The following SLC39A10 variants were observed in gnomAD, a reference collection of about 807,000 sequenced individuals.
The protein encoded by SLC39A10 is zinc transporter ZIP10.
SLC39A10 carries 13 observed loss-of-function variants against 65.1 expected under a neutral mutation model. The ratio of observed to expected loss-of-function variants is 0.20; its 90% CI spans 0.13 to 0.32. The LOEUF is 0.32. SLC39A10 is among the 10% of genes least tolerant of loss of function. SLC39A10 has a pLI of 1.00. For missense variants in SLC39A10, 831 were observed against 1,018.4 expected (o/e 0.82, Z 2.50); for synonymous variants, 321 against 342.2 (o/e 0.94, Z 0.68).
At chr2:195,734,788 T>G in intron 9 of SLC39A10, 95 bp from the exon 10 acceptor site, 1 of 1,196,992 alleles carries the variant, frequency 8.4e-7, no homozygotes. Context: ...TAGTTACACT[T>G]CAGTCACTAA....
intron 8 of SLC39A10, among the ~76,000 whole-genome samples, chr2:195,723,597 G>C (rs1273134573): frequency 6.6e-6 from 1 of 152,108 alleles, no homozygotes; most frequent in Non-Finnish European, 1.5e-5. Context: ...AGAGGCTTTT[G>C]ACTGTGGATG....
intron 1 of SLC39A10, among the ~76,000 whole-genome samples, chr2:195,668,584 CAT>C (rs1247668981): frequency 6.6e-6 from 1 of 152,232 alleles, no homozygotes; most frequent in Non-Finnish European, 1.5e-5. Context: ...TGCATACACA[CAT>C]GGGTATGAAA....
intron 2 of SLC39A10, among the ~76,000 whole-genome samples, chr2:195,616,893 GC>G (rs575644368): frequency 1.0e-3 from 153 of 152,190 alleles, no homozygotes; most frequent in South Asian, 1.5e-3. Context: ...GGGAGCCACC[GC>G]CCCCGGCCCG....
intron 3 of SLC39A10, among the ~76,000 whole-genome samples, chr2:195,694,609 G>C (rs1052426462): frequency 6.6e-6 from 1 of 152,182 alleles, no homozygotes; most frequent in African/African-American, 2.4e-5. Flanking sequence ...TCCACCTTCA[G>C]GTCTGTCAGC....
rs1343833603 is a variant in SLC39A10 at position 195,680,035 on chromosome 2, A to G, written c.-8A>G. The stretch of plus-strand genomic sequence containing the variant: ...CTCTCTCTTTAAATCTCTTTAGGAA[A>G]AATAGAAATGAAGGTACATATGCAC... On this transcript the variant is annotated 5_prime_UTR_variant, in exon 2 of 10. Coordinates refer to ENST00000359634, the MANE Select transcript of SLC39A10 (RefSeq NM_020342.3). The G allele has an allele frequency of 1.3e-6, 2 of 1,572,466 alleles. No individual in the cohort carries two copies. The highest frequency in any genetic ancestry group is 1.7e-6 in the Non-Finnish European group (2 of 1,164,268).
Position 195,680,321 on chromosome 2 carries a change from G to A in SLC39A10, c.279G>A (p.Glu93=). ...EKLLTNLGLG[E]RKVVEINHED... ...TTTTAACAAACTTGGGCCTTGGAGA[G>A]AGAAAAGTAGTTGAGATTAATCATG... Residue 93 remains glutamate, a synonymous_variant, in exon 2 of 10, where the codon GAG becomes GAA. Transcript: ENST00000359634. 6.2e-7 allele frequency: 1 copy of A among 1,614,144 alleles called. No homozygotes were observed. The highest frequency in any genetic ancestry group is 8.5e-7 in the Non-Finnish European group (1 of 1,180,022).
chr2:195,700,477 T>C (rs1691134710), intron 3 of SLC39A10, among the ~76,000 whole-genome samples: 1 of 152,220 alleles, frequency 6.6e-6, no homozygotes, highest in Non-Finnish European at 1.5e-5. Flanking sequence ...CATTTTAACT[T>C]CAATAGCATA....
intron 2 of SLC39A10, among the ~76,000 whole-genome samples, chr2:195,640,604 G>C (rs1688795190): frequency 6.6e-6 from 1 of 152,114 alleles, no homozygotes; most frequent in Admixed American, 6.5e-5. Flanking sequence ...GGATTATAGA[G>C]AAAATGATTT....
intron 1 of SLC39A10, among the ~76,000 whole-genome samples, chr2:195,673,573 T>G (rs182763344): frequency 6.6e-6 from 1 of 152,346 alleles, no homozygotes; most frequent in African/African-American, 2.4e-5. Context: ...AAGTCATTGC[T>G]AATTTATATG....
At chr2:195,638,920 C>T (rs929474449) in intron 2 of SLC39A10, among the ~76,000 whole-genome samples, 1 of 150,850 alleles carries the variant, frequency 6.6e-6, no homozygotes, top group Admixed American at 6.6e-5. Flanking sequence ...GACAGTTTCT[C>T]AAATTTTTCT....
At chr2:195,622,488 T>A (rs1480694866) in intron 2 of SLC39A10, among the ~76,000 whole-genome samples, 2 of 152,254 alleles carry the variant, frequency 1.3e-5, no homozygotes, top group Non-Finnish European at 2.9e-5. Flanking sequence ...TAAGTAGGCC[T>A]TCTGAAGTGA....
intron 2 of SLC39A10, among the ~76,000 whole-genome samples, chr2:195,649,969 T>G (rs1023671994): frequency 2.6e-5 from 4 of 152,200 alleles, no homozygotes; most frequent in African/African-American, 9.7e-5. Context: ...TTCTTAGAAC[T>G]TCCTCTTTAG....
chr2:195,661,879 T>TA (rs1294766521), intron 1 of SLC39A10, among the ~76,000 whole-genome samples: 1 of 152,228 alleles, frequency 6.6e-6, no homozygotes, highest in Non-Finnish European at 1.5e-5. Flanking sequence ...CATAACCTTT[T>TA]ATAATCATGT....
chr2:195,649,299 C>A (rs1017126645), intron 2 of SLC39A10, among the ~76,000 whole-genome samples: 1 of 152,250 alleles, frequency 6.6e-6, no homozygotes, highest in Non-Finnish European at 1.5e-5. Context: ...TCAGAAATCC[C>A]TGCAAGCTAT....
intron 2 of SLC39A10, among the ~76,000 whole-genome samples, chr2:195,626,069 C>T (rs1267699320): frequency 6.6e-6 from 1 of 152,136 alleles, no homozygotes; most frequent in Non-Finnish European, 1.5e-5. Flanking sequence ...TAGAAGTGAG[C>T]CACTGTGCCT....
intron 9 of SLC39A10, among the ~76,000 whole-genome samples, chr2:195,733,804 T>C (rs1454181345): frequency 6.6e-6 from 1 of 152,210 alleles, no homozygotes; most frequent in East Asian, 1.9e-4. Flanking sequence ...CTGCTGGGAT[T>C]ACAGGCATGA....
At chr2:195,652,471 C>A (rs890903691), upstream of SLC39A10, among the ~76,000 whole-genome samples, 5 of 150,834 alleles carry the variant, frequency 3.3e-5, no homozygotes, top group African/African-American at 1.2e-4. Context: ...ATCGCCTGAG[C>A]CTGGGAGGCA....
intron 6 of SLC39A10, among the ~76,000 whole-genome samples, chr2:195,714,213 G>C (rs1319862719): frequency 1.3e-5 from 2 of 152,150 alleles, no homozygotes; most frequent in African/African-American, 4.8e-5. Context: ...TTACAGGAGT[G>C]AGCCACCGCG....
intron 1 of SLC39A10, among the ~76,000 whole-genome samples, chr2:195,676,006 A>G (rs1429082539): frequency 2.0e-5 from 3 of 152,050 alleles, no homozygotes; most frequent in Non-Finnish European, 4.4e-5. Flanking sequence ...ATTATTAGTC[A>G]TCATGTTGCT....
Sources: allele counts gnomAD v4.1 joint callset (sites outside exome capture counted in the v4.1 genomes callset), GRCh38; gene constraint gnomAD v4.1.1; transcripts MANE v1.5; gene names NCBI Gene and HGNC (gene_info 2026-07-23, HGNC 2026-07-21).